OR14I1: variants seen among roughly 807,000 people sequenced by gnomAD.
The protein encoded by OR14I1 is olfactory receptor 14I1.
For missense variants in OR14I1, 279 were observed against 181.8 expected (o/e 1.53, Z -3.07); for synonymous variants, 118 against 71.1 (o/e 1.66, Z -3.32).
downstream of OR14I1, among the ~76,000 whole-genome samples, chr1:248,678,794 C>T (rs531656146): frequency 6.6e-6 from 1 of 151,840 alleles, no homozygotes; most frequent in Non-Finnish European, 1.5e-5. Flanking sequence ...CATAAATACA[C>T]AAAGGCCAAC....
chr1:248,680,967 CGTGTGTGTGTGT>C (rs34495040), downstream of OR14I1, among the ~76,000 whole-genome samples: 2 of 147,108 alleles, frequency 1.4e-5, no homozygotes, highest in African/African-American at 5.1e-5. Flanking sequence ...AAACTGTGTG[CGTGTGTGTGTGT>C]GTGTGTGTGT....
chr1:248,680,413 A>G (rs1661538387), downstream of OR14I1, among the ~76,000 whole-genome samples: 1 of 152,206 alleles, frequency 6.6e-6, no homozygotes, highest in Non-Finnish European at 1.5e-5. Flanking sequence ...CAGTTCACAC[A>G]TCAAGACTCT....
chr1:248,688,448 T>G, the OR14I1 span, among the ~76,000 whole-genome samples: 1 of 152,212 alleles, frequency 6.6e-6, no homozygotes, highest in African/African-American at 2.4e-5. Context: ...GCCAAAAAGT[T>G]GTATTTTGGA....
downstream of OR14I1, among the ~76,000 whole-genome samples, chr1:248,679,552 TTTCA>T (rs1435603419): frequency 6.6e-6 from 1 of 152,236 alleles, no homozygotes; most frequent in Non-Finnish European, 1.5e-5. Context: ...CTGTTGCCTC[TTTCA>T]TTAAGTGATG....
chr1:248,679,102 T>C (rs1024266775), downstream of OR14I1, among the ~76,000 whole-genome samples: 6 of 152,214 alleles, frequency 3.9e-5, no homozygotes, highest in African/African-American at 1.4e-4. Context: ...GGTACAACCC[T>C]AGAAATTTAC....
chr1:248,697,574 C>T, the OR14I1 span, among the ~76,000 whole-genome samples: 1 of 151,656 alleles, frequency 6.6e-6, no homozygotes, highest in South Asian at 2.1e-4. Flanking sequence ...CACTTGAGGT[C>T]GGGAGTTCAA....
chr1:248,702,682 A>T, the OR14I1 span, among the ~76,000 whole-genome samples: 2 of 152,044 alleles, frequency 1.3e-5, no homozygotes, highest in African/African-American at 4.8e-5. Flanking sequence ...CCTCTGCTCA[A>T]AATCCTCCAG....
chr1:248,679,195 A>G (rs1434895221), downstream of OR14I1, among the ~76,000 whole-genome samples: 4 of 152,180 alleles, frequency 2.6e-5, no homozygotes, highest in Admixed American at 2.6e-4. Context: ...TCTGTATAAA[A>G]TTAGGAGAAG....
chr1:248,687,570 T>C, the OR14I1 span, among the ~76,000 whole-genome samples: 1 of 152,228 alleles, frequency 6.6e-6, no homozygotes, highest in Non-Finnish European at 1.5e-5. Context: ...TCATTTCATT[T>C]TTCAAATGAG....
chr1:248,690,420 A>G, the OR14I1 span, among the ~76,000 whole-genome samples: 3 of 152,086 alleles, frequency 2.0e-5, no homozygotes, highest in Non-Finnish European at 4.4e-5. Flanking sequence ...CAACACAAAT[A>G]TAAACTACCA....
chr1:248,692,517 C>T, the OR14I1 span: 1 of 152,768 alleles, frequency 6.5e-6, no homozygotes, highest in East Asian at 1.9e-4. Flanking sequence ...AGCCTTTATT[C>T]CGGCATTTCT....
the OR14I1 span, among the ~76,000 whole-genome samples, chr1:248,693,046 C>T: frequency 0.022 from 3,364 of 152,284 alleles, 107 homozygotes; most frequent in African/African-American, 0.066. Flanking sequence ...TGTGAGCAGC[C>T]TCTAACTCTC....
chr1:248,684,913 A>C (rs1008695388), upstream of OR14I1, among the ~76,000 whole-genome samples: 8 of 152,120 alleles, frequency 5.3e-5, no homozygotes, highest in Non-Finnish European at 1.2e-4. Context: ...AACAGTTAAG[A>C]TCATTAAAGC....
upstream of OR14I1, among the ~76,000 whole-genome samples, chr1:248,685,830 G>A: frequency 6.6e-6 from 1 of 151,056 alleles, no homozygotes; most frequent in East Asian, 1.9e-4. Flanking sequence ...TATAGTTACT[G>A]TTTATTGAAA....
chr1:248,693,806 C>T, the OR14I1 span, among the ~76,000 whole-genome samples: 1 of 151,186 alleles, frequency 6.6e-6, no homozygotes, highest in Non-Finnish European at 1.5e-5. Flanking sequence ...ATGGGAAAAT[C>T]GTCGTTCCTC....
exon 1 of OR14I1, chr1:248,681,610 C>T (rs756696617): frequency 5.1e-6 from 4 of 780,792 alleles, no homozygotes; most frequent in Admixed American, 1.7e-5. Flanking sequence ...GGCTTTTGCT[C>T]GACTCTGTCC....
chr1:248,688,936 T>C, the OR14I1 span, among the ~76,000 whole-genome samples: 1 of 152,216 alleles, frequency 6.6e-6, no homozygotes, highest in Non-Finnish European at 1.5e-5. Context: ...TCTGGGGGAT[T>C]GGTTGATTAT....
upstream of OR14I1, among the ~76,000 whole-genome samples, chr1:248,683,786 C>A (rs1209067926): frequency 6.6e-6 from 1 of 152,250 alleles, no homozygotes; most frequent in Non-Finnish European, 1.5e-5. Flanking sequence ...GTAATCCCAG[C>A]ACTTTCGGAG....
exon 1 of OR14I1, chr1:248,681,434 T>C: frequency 1.3e-6 from 1 of 780,794 alleles, no homozygotes; most frequent in South Asian, 1.3e-5. Context: ...TCCTTATTCC[T>C]AAGACTATAT....
Sources: allele counts gnomAD v4.1 joint callset (sites outside exome capture counted in the v4.1 genomes callset), GRCh38; gene constraint gnomAD v4.1.1; transcripts MANE v1.5; gene names NCBI Gene and HGNC (gene_info 2026-07-23, HGNC 2026-07-21).